Variants in VOPP1 observed in about 807,000 individuals in gnomAD.
The protein encoded by VOPP1 is WW domain binding protein VOPP1.
In VOPP1, 8 loss-of-function variants were observed where a neutral mutation model predicts 23.5. The ratio of observed to expected loss-of-function variants is 0.34; its 90% CI spans 0.20 to 0.61. VOPP1 has a LOEUF of 0.61. Ranked by LOEUF, VOPP1 falls within the 20% of genes least tolerant of loss-of-function variation. VOPP1 has a pLI of 0.78. For missense variants in VOPP1, 174 were observed against 238.1 expected (o/e 0.73, Z 1.77); for synonymous variants, 83 against 97.3 (o/e 0.85, Z 0.86).
intron 1 of VOPP1, among the ~76,000 whole-genome samples, chr7:55,566,286 T>A (rs1188010827): frequency 2.0e-5 from 3 of 152,192 alleles, no homozygotes; most frequent in Non-Finnish European, 4.4e-5. Flanking sequence ...CTTATGTGCA[T>A]TATAGAATTT....
intron 2 of VOPP1, among the ~76,000 whole-genome samples, chr7:55,511,124 A>G (rs1421994451): frequency 6.6e-6 from 1 of 152,220 alleles, no homozygotes; most frequent in African/African-American, 2.4e-5. Context: ...AACAGAAGGG[A>G]TGTTGCAGCA....
intron 1 of VOPP1, among the ~76,000 whole-genome samples, chr7:55,539,899 GCACACACACACACACACACACA>G (rs60831624): frequency 7.2e-5 from 10 of 139,250 alleles, no homozygotes; most frequent in Non-Finnish European, 1.4e-4. Context: ...CATAAGCGCT[GCACACACACACACACACACACA>G]CACACACACA....
chr7:55,473,671 A>C lies in VOPP1; in HGVS notation c.329-626T>G, dbSNP rs1008653564. Among the ~76,000 whole-genome samples the C allele has an allele frequency of 7.2e-5, 11 of 152,306 alleles. No homozygotes were observed. The South Asian group carries it at 1.7e-3, about 23-fold the overall frequency. ...GGTACAGGCTGGACACCCGACCCCAAATCTAGCCCTCACTCTGAGGTGCTG... is the reference window on the plus strand; with the variant it reads ...GGTACAGGCTGGACACCCGACCCCACATCTAGCCCTCACTCTGAGGTGCTG... On this transcript the variant is annotated intron_variant, in intron 4 of 4. Coordinates refer to ENST00000285279, the MANE Select transcript of VOPP1 (RefSeq NM_030796.5).
rs539477548 is a variant in VOPP1 at position 55,564,605 on chromosome 7, C to G, written c.54+7666G>C. Among the ~76,000 whole-genome samples, 4 of 152,272 alleles carry G rather than the reference C, an allele frequency of 2.6e-5. No individual in the cohort carries two copies. In the South Asian group the frequency reaches 6.2e-4, roughly 24 times the overall value. On this transcript the variant is annotated intron_variant, in intron 1 of 4. Coordinates refer to ENST00000285279, the MANE Select transcript of VOPP1 (RefSeq NM_030796.5). ...GCTATGGACGCTTATGACAAAGTTT[C>G]TTCTTAATCTAGTCACAGATAATAA...
intron 1 of VOPP1, among the ~76,000 whole-genome samples, chr7:55,527,334 C>T (rs1796247776): frequency 6.6e-6 from 1 of 152,174 alleles, no homozygotes; most frequent in Non-Finnish European, 1.5e-5. Context: ...TCACAAGCAC[C>T]ATTTCTTAGA....
chr7:55,453,712 T>G (rs1159882724), intron 4 of VOPP1, among the ~76,000 whole-genome samples: 1 of 152,148 alleles, frequency 6.6e-6, no homozygotes, highest in Non-Finnish European at 1.5e-5. Context: ...GTTTGAAATA[T>G]TATGTGAATT....
chr7:55,564,243 G>GTCTCTGTCTCTCTCTCTCTCTC lies in VOPP1; in HGVS notation c.54+8027_54+8028insGAGAGAGAGAGAGAGACAGAGA, dbSNP rs1554302403. Among the ~76,000 whole-genome samples the GTCTCTGTCTCTCTCTCTCTCTC allele has an allele frequency of 2.5e-3, 313 of 125,968 alleles. 3 individuals are homozygous for GTCTCTGTCTCTCTCTCTCTCTC. The highest frequency in any genetic ancestry group is 0.021 in the East Asian group (89 of 4,308). The allele number at this position is 125,968 out of a possible 152,430, so 82.6% of individuals were successfully genotyped here. ...CAACACACTCTTTCTCTCTGTCTCT[G>GTCTCTGTCTCTCTCTCTCTCTC]TCTCTCTCTCTCTCTCTCTCTCTCG... On this transcript the variant is annotated intron_variant, in intron 1 of 4. Transcript: ENST00000285279.
Position 55,462,678 on chromosome 7 carries a change from C to T in VOPP1, n.418-26504G>A, listed in dbSNP as rs138212621. Among the ~76,000 whole-genome samples the T allele has an allele frequency of 2.6e-3, 345 of 133,586 alleles. 6 individuals carry two copies. The highest frequency in any genetic ancestry group is 4.0e-3 in the Non-Finnish European group (259 of 64,032). 87.6% of individuals were successfully genotyped at this position (133,586 alleles called of 152,430 possible). Reference sequence around the variant, plus strand: ...ATATTTTTTTTTTTTTTTTTTGAGACGGAGTCTCGCTCTGTTGCCCAGGCT... The same window carrying T: ...ATATTTTTTTTTTTTTTTTTTGAGATGGAGTCTCGCTCTGTTGCCCAGGCT... On this transcript the variant is annotated intron_variant and non_coding_transcript_variant, in intron 4 of 4. Transcript: ENST00000462326.
chr7:55,458,776 G>C (rs1290121863), intron 4 of VOPP1, among the ~76,000 whole-genome samples: 1 of 151,920 alleles, frequency 6.6e-6, no homozygotes, highest in African/African-American at 2.4e-5. Context: ...GGTTTTTCTT[G>C]GTAAAGTCTT....
At chr7:55,450,218 T>C (rs1583797798) in intron 4 of VOPP1, among the ~76,000 whole-genome samples, 1 of 152,190 alleles carries the variant, frequency 6.6e-6, no homozygotes, top group Non-Finnish European at 1.5e-5. Flanking sequence ...CTCAGGCTGG[T>C]CCTAGTGTTA....
intron 4 of VOPP1, among the ~76,000 whole-genome samples, chr7:55,448,410 C>T (rs1034954377): frequency 1.3e-5 from 2 of 152,076 alleles, no homozygotes; most frequent in Admixed American, 1.3e-4. Flanking sequence ...TTCATAGGGA[C>T]CTCATTTCTA....
At chr7:55,546,687 T>TA (rs1366837846) in intron 1 of VOPP1, among the ~76,000 whole-genome samples, 3 of 152,192 alleles carry the variant, frequency 2.0e-5, no homozygotes, top group African/African-American at 7.2e-5. Context: ...ATTTAAAAAA[T>TA]ATACAAATAT....
intron 1 of VOPP1, chr7:55,553,704 G>C (rs1029483396): frequency 6.9e-6 from 1 of 145,268 alleles, no homozygotes; most frequent in Non-Finnish European, 1.5e-5. Context: ...AAAGAGCTCC[G>C]TCCTCAAGAC....
At chr7:55,495,044 C>G (rs1441898316) in intron 3 of VOPP1, among the ~76,000 whole-genome samples, 4 of 151,866 alleles carry the variant, frequency 2.6e-5, no homozygotes, top group African/African-American at 4.8e-5. Flanking sequence ...TTTGATTCCT[C>G]CCCCCGACCC....
At chr7:55,490,200 AC>A (rs1054032761) in intron 4 of VOPP1, among the ~76,000 whole-genome samples, 2 of 151,662 alleles carry the variant, frequency 1.3e-5, no homozygotes, top group African/African-American at 4.9e-5. Context: ...GTTTTTTAAG[AC>A]CCTTCTGATA....
At chr7:55,489,283 G>A (rs966799076) in intron 4 of VOPP1, among the ~76,000 whole-genome samples, 1 of 152,234 alleles carries the variant, frequency 6.6e-6, no homozygotes, top group African/African-American at 2.4e-5. Context: ...CACCGTTGCA[G>A]GCCTGCAAGA....
chr7:55,563,113 A>C (rs1048128872), intron 1 of VOPP1, among the ~76,000 whole-genome samples: 5 of 152,222 alleles, frequency 3.3e-5, no homozygotes, highest in Middle Eastern at 3.2e-3. Context: ...TGTGCAATAA[A>C]AATGATAAAT....
chr7:55,546,339 C>T (rs1452986974), intron 1 of VOPP1, among the ~76,000 whole-genome samples: 1 of 152,158 alleles, frequency 6.6e-6, no homozygotes. Flanking sequence ...AAAGAGAACA[C>T]TTAAGGGAAA....
At chr7:55,475,267 G>C (rs1792151778) in intron 4 of VOPP1, among the ~76,000 whole-genome samples, 1 of 152,188 alleles carries the variant, frequency 6.6e-6, no homozygotes, top group African/African-American at 2.4e-5. Context: ...CTAGCTGGGA[G>C]CTGGTGCACA....
Sources: gnomAD v4.1 joint callset for allele counts (sites outside exome capture counted in the v4.1 genomes callset) on GRCh38, gnomAD v4.1.1 for gene constraint, MANE v1.5 for transcripts, NCBI Gene and HGNC (gene_info 2026-07-23, HGNC 2026-07-21) for gene names.